STARD6: variants seen among roughly 807,000 people sequenced by gnomAD.
The protein encoded by STARD6 is stAR-related lipid transfer protein 6.
A neutral mutation model predicts 22.3 loss-of-function variants in STARD6; 21 were observed. The observed-to-expected ratio is 0.94, with a 90% CI of 0.67 to 1.35. The LOEUF is 1.35. Ranked by LOEUF, STARD6 falls within the 40% of genes most tolerant of loss-of-function variation. STARD6 has a pLI of 0.00. For synonymous variants in STARD6, 80 were observed against 88.1 expected (o/e 0.91, Z 0.52); for missense variants, 269 against 266.9 (o/e 1.01, Z -0.05).
intron 4 of STARD6, among the ~76,000 whole-genome samples, chr18:54,346,711 A>T (rs565195475): frequency 6.6e-6 from 1 of 152,200 alleles, no homozygotes; most frequent in African/African-American, 2.4e-5. Context: ...ATAGAACATT[A>T]TTCTTCAATA....
intron 4 of STARD6, among the ~76,000 whole-genome samples, chr18:54,343,369 T>TG (rs1555681272): frequency 4.5e-5 from 6 of 132,682 alleles, no homozygotes; most frequent in African/African-American, 1.5e-4. Context: ...GGGAGGGAGG[T>TG]GGGGGGTCAG....
chr18:54,348,689 T>A (rs1226108183), intron 4 of STARD6, among the ~76,000 whole-genome samples: 2 of 152,116 alleles, frequency 1.3e-5, no homozygotes, highest in Non-Finnish European at 2.9e-5. Flanking sequence ...AGTAGGACAT[T>A]ACTGTTCACT....
chr18:54,325,596 G>A (rs2144661601), intron 7 of STARD6, among the ~76,000 whole-genome samples: 1 of 151,686 alleles, frequency 6.6e-6, no homozygotes. Flanking sequence ...TGCCCAGGCT[G>A]GAGTGCAGTG....
At chr18:54,341,334 C>T (rs971656381) in intron 4 of STARD6, among the ~76,000 whole-genome samples, 1 of 152,208 alleles carries the variant, frequency 6.6e-6, no homozygotes, top group Admixed American at 6.5e-5. Context: ...GCTGGGATTA[C>T]AGGCGTGAGC....
chr18:54,350,844 G>T, intron 4 of STARD6, among the ~76,000 whole-genome samples: 1 of 152,072 alleles, frequency 6.6e-6, no homozygotes, highest in Admixed American at 6.6e-5. Context: ...TGATCTACGT[G>T]CCTGTTTTTA....
chr18:54,332,909 A>C (rs1458282716), intron 5 of STARD6, among the ~76,000 whole-genome samples: 2 of 152,172 alleles, frequency 1.3e-5, no homozygotes, highest in Non-Finnish European at 2.9e-5. Flanking sequence ...TATCTCTAAA[A>C]AGAATAATAA....
intron 4 of STARD6, among the ~76,000 whole-genome samples, chr18:54,344,912 C>T (rs935366307): frequency 5.3e-5 from 8 of 152,120 alleles, no homozygotes; most frequent in Admixed American, 2.0e-4. Flanking sequence ...TGATAAAGGG[C>T]ACCTATGAAA....
Position 54,346,298 on chromosome 18 carries a change from C to T in STARD6, c.140+7756G>A, listed in dbSNP as rs561438902. Among the ~76,000 whole-genome samples, 11 of 152,014 alleles carry T rather than the reference C, an allele frequency of 7.2e-5. No individual in the cohort carries two copies. The South Asian group carries it at 1.0e-3, about 14-fold the overall frequency. On this transcript the variant is annotated intron_variant, in intron 4 of 7. Transcript: ENST00000307844. ...AAGATATATGAATGGTCAATATGCACGTAAGAAGAAGCTTATGGTCACAAG... is the reference window on the plus strand; with the variant it reads ...AAGATATATGAATGGTCAATATGCATGTAAGAAGAAGCTTATGGTCACAAG...
intron 4 of STARD6, among the ~76,000 whole-genome samples, chr18:54,352,421 G>C (rs945518013): frequency 3.3e-5 from 5 of 151,872 alleles, no homozygotes; most frequent in African/African-American, 9.7e-5. Context: ...TGAGAATCTT[G>C]CCAACAACAA....
chr18:54,328,370 C>T (rs950393822), intron 7 of STARD6, among the ~76,000 whole-genome samples: 1 of 152,174 alleles, frequency 6.6e-6, no homozygotes, highest in Non-Finnish European at 1.5e-5. Context: ...AACTCTAGTC[C>T]ATGCCAGCAG....
intron 4 of STARD6, among the ~76,000 whole-genome samples, chr18:54,343,322 A>G: frequency 7.3e-6 from 1 of 136,730 alleles, no homozygotes; most frequent in Non-Finnish European, 1.6e-5. Flanking sequence ...CCCATCTGGG[A>G]AGTGAGGAGC....
At chr18:54,342,583 T>C (rs960556929) in intron 4 of STARD6, among the ~76,000 whole-genome samples, 7 of 124,872 alleles carry the variant, frequency 5.6e-5, no homozygotes, top group Admixed American at 1.5e-4. Flanking sequence ...CTGATTCTCC[T>C]GCCTCAGCCT....
intron 1 of STARD6, among the ~76,000 whole-genome samples, chr18:54,356,854 T>G (rs1451000007): frequency 2.0e-5 from 3 of 152,250 alleles, no homozygotes; most frequent in Non-Finnish European, 4.4e-5. Flanking sequence ...TGAAGATTAT[T>G]GGGACATACC....
chr18:54,339,063 A>C (rs1299208833), intron 4 of STARD6, among the ~76,000 whole-genome samples: 9 of 146,860 alleles, frequency 6.1e-5, no homozygotes, highest in African/African-American at 2.0e-4. Flanking sequence ...AAAAAAAAAA[A>C]AAAAAAAAAA....
At chr18:54,350,761 T>C (rs1473495876) in intron 4 of STARD6, among the ~76,000 whole-genome samples, 1 of 152,154 alleles carries the variant, frequency 6.6e-6, no homozygotes, top group Non-Finnish European at 1.5e-5. Flanking sequence ...ACTTTATGTT[T>C]TTGTTTACTT....
intron 4 of STARD6, among the ~76,000 whole-genome samples, chr18:54,343,456 G>C (rs2089001087): frequency 7.7e-6 from 1 of 130,336 alleles, no homozygotes; most frequent in South Asian, 2.7e-4. Flanking sequence ...CGCCCGGTCT[G>C]GGAGGTGAGG....
chr18:54,326,326 C>CTT (rs11353724), intron 7 of STARD6, among the ~76,000 whole-genome samples: 6 of 120,276 alleles, frequency 5.0e-5, no homozygotes, highest in East Asian at 2.4e-4. Context: ...GCTGACAGGT[C>CTT]TTTTTTTTTT....
intron 5 of STARD6, among the ~76,000 whole-genome samples, chr18:54,336,789 A>C (rs1443634430): frequency 6.6e-6 from 1 of 152,152 alleles, no homozygotes; most frequent in Non-Finnish European, 1.5e-5. Flanking sequence ...ATATGACTAA[A>C]ATAAGTCTAC....
intron 7 of STARD6, 49 bp downstream of exon 7, chr18:54,329,298 G>A: frequency 1.4e-6 from 2 of 1,436,296 alleles, no homozygotes; most frequent in Non-Finnish European, 1.9e-6. Flanking sequence ...TAAATCACAA[G>A]TTGAACTAAA....
Sources: gnomAD v4.1 joint callset for allele counts (sites outside exome capture counted in the v4.1 genomes callset) on GRCh38, gnomAD v4.1.1 for gene constraint, MANE v1.5 for transcripts, NCBI Gene and HGNC (gene_info 2026-07-23, HGNC 2026-07-21) for gene names.